The following GRM5 variants were observed in gnomAD, a reference collection of about 807,000 sequenced individuals.
GRM5 encodes metabotropic glutamate receptor 5.
GRM5 carries 19 observed loss-of-function variants against 83.1 expected under a neutral mutation model. The observed-to-expected ratio is 0.23, with a 90% CI of 0.16 to 0.34. The LOEUF is 0.34. GRM5 is among the 10% of genes least tolerant of loss of function. GRM5 has a pLI of 1.00. For synonymous variants in GRM5, 675 were observed against 633.6 expected (o/e 1.07, Z -0.98); for missense variants, 1,160 against 1,588.3 (o/e 0.73, Z 4.58).
chr11:88,987,736 C>G (rs1161786098), intron 2 of GRM5, among the ~76,000 whole-genome samples: 1 of 151,362 alleles, frequency 6.6e-6, no homozygotes, highest in African/African-American at 2.4e-5. Context: ...GGAGGCACCC[C>G]CCAGCAGGGG....
At chr11:88,551,716 C>CTAATAAA (rs1942513337) in intron 8 of GRM5, among the ~76,000 whole-genome samples, 1 of 152,140 alleles carries the variant, frequency 6.6e-6, no homozygotes, top group African/African-American at 2.4e-5. Flanking sequence ...ACTTCAGTGT[C>CTAATAAA]CTCATCAGTA....
In GRM5 at chr11:88,993,171, C is replaced by T. The variant is rs1403175409; in HGVS notation, c.661+54041G>A. Among the ~76,000 whole-genome samples the T allele has an allele frequency of 2.7e-5, 4 of 147,820 alleles. No homozygotes were observed. The East Asian group carries it at 8.0e-4, about 30-fold the overall frequency. On this transcript the variant is annotated intron_variant, in intron 2 of 9. Coordinates refer to ENST00000305447, the MANE Select transcript of GRM5 (RefSeq NM_001143831.3). ...GTCCTAGCTCCTCCGTAGGCTAAGG[C>T]AGAAGAAGGGCGTGAGTCCAGGAGG...
In GRM5 at chr11:88,885,450, GTTTTT is replaced by G. The variant is rs61456975; in HGVS notation, c.662-35300_662-35296del. Reference sequence around the variant, plus strand: ...TTCTGAATTCTATAGTAGGTACCATGTTTTTTTTTTTTTTTTTTTTTTTTTTTTTT... The same window carrying G: ...TTCTGAATTCTATAGTAGGTACCATGTTTTTTTTTTTTTTTTTTTTTTTTT... On this transcript the variant is annotated intron_variant, in intron 2 of 9. Transcript: ENST00000305447. Among the ~76,000 whole-genome samples the G allele has an allele frequency of 3.6e-3, 227 of 62,600 alleles. 23 individuals are homozygous for G. The highest frequency in any genetic ancestry group is 8.7e-3 in the African/African-American group (146 of 16,862). The allele number at this position is 62,600 out of a possible 152,430, so 41.1% of individuals were successfully genotyped here.
chr11:89,006,213 G>A (rs1263070971), intron 2 of GRM5, among the ~76,000 whole-genome samples: 1 of 152,116 alleles, frequency 6.6e-6, no homozygotes, highest in Non-Finnish European at 1.5e-5. Context: ...ACTGCCACAG[G>A]ACTAAGCAAA....
At chr11:88,534,955 G>A (rs1942100984) in intron 8 of GRM5, among the ~76,000 whole-genome samples, 1 of 152,100 alleles carries the variant, frequency 6.6e-6, no homozygotes, top group Non-Finnish European at 1.5e-5. Flanking sequence ...TTCTCTCTTT[G>A]CCTGCTGCCA....
At chr11:88,981,742 T>A (rs761782843) in intron 2 of GRM5, among the ~76,000 whole-genome samples, 1 of 152,230 alleles carries the variant, frequency 6.6e-6, no homozygotes, top group Non-Finnish European at 1.5e-5. Flanking sequence ...GAAGTTCGTA[T>A]CTCAGCTCTG....
chr11:88,693,899 A>T (rs1940842572), intron 3 of GRM5, among the ~76,000 whole-genome samples: 1 of 152,234 alleles, frequency 6.6e-6, no homozygotes, highest in Non-Finnish European at 1.5e-5. Flanking sequence ...AAGGAAGGAC[A>T]TCTCAGGCTG....
chr11:88,805,835 A>G (rs1185784051), intron 3 of GRM5, among the ~76,000 whole-genome samples: 3 of 152,116 alleles, frequency 2.0e-5, no homozygotes, highest in Non-Finnish European at 2.9e-5. Context: ...TTTTCCCCTA[A>G]TTGACAATTA....
intron 2 of GRM5, among the ~76,000 whole-genome samples, chr11:88,866,494 A>G (rs1944668156): frequency 1.3e-5 from 2 of 151,964 alleles, no homozygotes; most frequent in African/African-American, 2.4e-5. Context: ...TGGCATGTGT[A>G]TACCTATGTA....
In GRM5 at chr11:88,677,886, A is replaced by T. The variant is rs539938257; in HGVS notation, c.912-24483T>A. Reference sequence around the variant, plus strand: ...GCTTGATAATGCATATTACCACAATACATGGAATGCTGTTACTATATTCAG... The same window carrying T: ...GCTTGATAATGCATATTACCACAATTCATGGAATGCTGTTACTATATTCAG... On this transcript the variant is annotated intron_variant, in intron 3 of 9. Transcript: ENST00000305447. 3.9e-4 allele frequency among the ~76,000 whole-genome samples: 59 copies of T among 152,292 alleles called. 1 individual carries two copies. The South Asian group carries it at 0.012, about 31-fold the overall frequency.
At chr11:88,786,097 A>G (rs1158761209) in intron 3 of GRM5, among the ~76,000 whole-genome samples, 1 of 152,142 alleles carries the variant, frequency 6.6e-6, no homozygotes, top group African/African-American at 2.4e-5. Flanking sequence ...TGTGCCAGGT[A>G]CATGAATATG....
rs577679979 is a variant in GRM5 at position 88,956,643 on chromosome 11, A to G, written c.661+90569T>C. 3.3e-5 allele frequency among the ~76,000 whole-genome samples: 5 copies of G among 152,252 alleles called. No individual in the cohort carries two copies. In the East Asian group the frequency reaches 9.7e-4, roughly 29 times the overall value. ...AACACGGTGAAACCCCGTCTCTACT[A>G]AAAATACAAAAAATTAGCCGGGCGC... On this transcript the variant is annotated intron_variant, in intron 2 of 9. Coordinates refer to ENST00000305447, the MANE Select transcript of GRM5 (RefSeq NM_001143831.3).
rs138718251 is a variant in GRM5 at position 89,052,410 on chromosome 11, C to T, written c.-200-4338G>A. ...AGTAAGATAAAGTGAGAGTAAATGA[C>T]GTCATAGAGGGCAAAAAAGAATGTT... On this transcript the variant is annotated intron_variant, in intron 1 of 9. Transcript: ENST00000305447. 7.0e-3 allele frequency among the ~76,000 whole-genome samples: 1,068 copies of T among 152,092 alleles called. 8 individuals are homozygous for T. Among genetic ancestry groups the T allele is most frequent in the Non-Finnish European group, 9.9e-3 (674 of 67,980 alleles).
rs560302785 is a variant in GRM5, at chr11:88,506,091, C to T, written c.*2501G>A. ...AATACAGAGAAAAATATATCTTGTC[C>T]TTTTCTAATTGGATAAATCATTTTT... On this transcript the variant is annotated 3_prime_UTR_variant, in exon 10 of 10. Transcript: ENST00000305447. The T allele has an allele frequency of 3.9e-5, 6 of 152,152 alleles. No homozygotes were observed. The highest frequency in any genetic ancestry group is 3.4e-3 in the Middle Eastern group (1 of 292). The allele number at this position is 152,152 out of a possible 1,614,324, so 9.4% of individuals were successfully genotyped here.
chr11:88,526,698 A>G (rs1591324356), intron 8 of GRM5, among the ~76,000 whole-genome samples: 1 of 151,996 alleles, frequency 6.6e-6, no homozygotes, highest in African/African-American at 2.4e-5. Context: ...CAACATCATT[A>G]TTGATCCTGG....
At chr11:88,980,686 G>T (rs961720251) in intron 2 of GRM5, among the ~76,000 whole-genome samples, 1 of 151,996 alleles carries the variant, frequency 6.6e-6, no homozygotes, top group South Asian at 2.1e-4. Flanking sequence ...AGTCGGGCGT[G>T]GTGGCAGGTG....
At chr11:88,606,585 T>A (rs1299697357) in intron 4 of GRM5, among the ~76,000 whole-genome samples, 2 of 152,140 alleles carry the variant, frequency 1.3e-5, no homozygotes, top group African/African-American at 4.8e-5. Context: ...TTGGGATCCA[T>A]TGAAGTGTTG....
intron 2 of GRM5, among the ~76,000 whole-genome samples, chr11:88,980,781 C>A (rs1161604828): frequency 6.6e-6 from 1 of 151,996 alleles, no homozygotes; most frequent in Non-Finnish European, 1.5e-5. Flanking sequence ...CGAAATCTCA[C>A]CACTGCACTC....
chr11:88,847,660 A>T (rs774554072), intron 3 of GRM5, among the ~76,000 whole-genome samples: 29 of 152,154 alleles, frequency 1.9e-4, no homozygotes, highest in Non-Finnish European at 4.4e-5. Flanking sequence ...AGTAAGGAAG[A>T]CCTAACAAAA....
Sources: allele counts gnomAD v4.1 joint callset (sites outside exome capture counted in the v4.1 genomes callset), GRCh38; gene constraint gnomAD v4.1.1; transcripts MANE v1.5; gene names NCBI Gene and HGNC (gene_info 2026-07-23, HGNC 2026-07-21).